ENTPD5: variants seen among roughly 807,000 people sequenced by gnomAD.
The protein encoded by ENTPD5 is ectonucleoside triphosphate diphosphohydrolase 5 (inactive), also known as nucleoside diphosphate phosphatase ENTPD5.
Under a neutral mutation model 60.2 loss-of-function variants are expected in ENTPD5, and 49 were observed. That is an observed-to-expected ratio of 0.81 (90% CI 0.65 to 1.03). ENTPD5 has a LOEUF of 1.03. Among genes scored for constraint, ENTPD5 ranks in the 50% least tolerant of loss-of-function variants. ENTPD5 has a pLI of 0.00. For synonymous variants in ENTPD5, 187 were observed against 185.4 expected (o/e 1.01, Z -0.07); for missense variants, 480 against 507.6 (o/e 0.95, Z 0.52).
At chr14:73,960,775 G>C (rs1225996975), downstream of ENTPD5, 2 of 403,740 alleles carry the variant, frequency 5.0e-6, no homozygotes, top group Non-Finnish European at 8.7e-6. Flanking sequence ...GACTGGAGGA[G>C]TTAAAAAGAG....
chr14:74,015,683 T>C (rs898645291), intron 2 of ENTPD5, 141 bp downstream of exon 2: 2 of 152,010 alleles, frequency 1.3e-5, no homozygotes, highest in Non-Finnish European at 2.9e-5. Context: ...TACATAATAG[T>C]TCTAAATTTT....
At chr14:74,006,436 G>T (rs11621948) in intron 3 of ENTPD5, among the ~76,000 whole-genome samples, 48,912 of 151,520 alleles carry the variant, frequency 0.32, 9,333 homozygotes, top group Non-Finnish European at 0.42. Flanking sequence ...GGTGCCCGCC[G>T]CCACGCCCGG....
Position 73,988,069 on chromosome 14 carries a change from G to A in ENTPD5, c.34C>T (p.Leu12=), listed in dbSNP as rs1246877243. The change falls in exon 4 of 16, where the codon CTG becomes TTG. Residue 12 remains leucine (L), a synonymous_variant. Coordinates refer to ENST00000334696, the MANE Select transcript of ENTPD5 (RefSeq NM_001249.5). ...GCGCTGCAAACACAGGATACCACCA[G>A]CATGAAAAAGACTGTGCCCCAAGAA... ...ATSWGTVFFM[L]VVSCVCSAVS... is the part of the protein sequence containing the mutation. 6.2e-7 allele frequency: 1 copy of A among 1,612,902 alleles called. No homozygotes were observed. Among genetic ancestry groups the A allele is most frequent in the African/African-American group, 1.3e-5 (1 of 74,926 alleles).
intron 4 of ENTPD5, among the ~76,000 whole-genome samples, chr14:73,987,517 T>C (rs898414257): frequency 3.3e-5 from 5 of 151,566 alleles, no homozygotes; most frequent in African/African-American, 9.7e-5. Flanking sequence ...ATAAAAAAAT[T>C]TAAAAATGAG....
intron 15 of ENTPD5, among the ~76,000 whole-genome samples, chr14:73,969,324 C>G (rs1233097282): frequency 1.3e-5 from 2 of 152,202 alleles, no homozygotes; most frequent in Non-Finnish European, 2.9e-5. Context: ...TTGCATCCTG[C>G]TTGCACCGTG....
downstream of ENTPD5, chr14:73,956,277 G>A (rs377369129): frequency 4.4e-5 from 13 of 295,986 alleles, no homozygotes; most frequent in South Asian, 9.9e-5. Context: ...GCAGTGAGCC[G>A]AGATCACGCC....
At chr14:73,988,405 G>C (rs1185930362) in intron 3 of ENTPD5, among the ~76,000 whole-genome samples, 1 of 152,114 alleles carries the variant, frequency 6.6e-6, no homozygotes, top group Non-Finnish European at 1.5e-5. Context: ...TAAAAATACA[G>C]AGTAATTGTA....
At chr14:74,010,554 CAAAA>C (rs57848975) in intron 3 of ENTPD5, among the ~76,000 whole-genome samples, 4 of 141,556 alleles carry the variant, frequency 2.8e-5, no homozygotes, top group Non-Finnish European at 6.2e-5. Context: ...AACTCTATCT[CAAAA>C]AAAAAAAATA....
At chr14:73,999,822 G>C (rs2058451700) in intron 3 of ENTPD5, among the ~76,000 whole-genome samples, 1 of 150,676 alleles carries the variant, frequency 6.6e-6, no homozygotes, top group Non-Finnish European at 1.5e-5. Flanking sequence ...GGGCGCAGTA[G>C]CTTACACCTG....
downstream of ENTPD5, chr14:73,959,363 T>C (rs778168995): frequency 5.0e-6 from 8 of 1,614,216 alleles, no homozygotes; most frequent in South Asian, 8.8e-5. Flanking sequence ...GCTTGAGAGT[T>C]TCCAAGTGCA....
At chr14:74,014,389 C>T (rs200182583) in intron 2 of ENTPD5, among the ~76,000 whole-genome samples, 1 of 148,768 alleles carries the variant, frequency 6.7e-6, no homozygotes, top group African/African-American at 2.5e-5. Flanking sequence ...CTCCCCCCCC[C>T]CACAAAAAAA....
At position 73,982,504 on chromosome 14, in the gene ENTPD5, T is replaced by C. The variant is rs146663020; in HGVS notation, c.441+514A>G. 9.0e-3 allele frequency among the ~76,000 whole-genome samples: 1,365 copies of C among 151,996 alleles called. 10 individuals carry two copies. Among genetic ancestry groups the C allele is most frequent in the Non-Finnish European group, 0.016 (1,066 of 67,958 alleles). ...AGGTGCAGCAGCTCATGCCTGTAAT[T>C]CCAGCACTTTGGGAGGCTGAGGCGG... On this transcript the variant is annotated intron_variant, in intron 6 of 15. Coordinates refer to ENST00000334696, the MANE Select transcript of ENTPD5 (RefSeq NM_001249.5).
chr14:73,972,942 TCTC>T lies in ENTPD5; in HGVS notation c.966_968del (p.Arg323del). The T allele has an allele frequency of 6.2e-7, 1 of 1,614,160 alleles. No homozygotes were observed. Among genetic ancestry groups the T allele is most frequent in the Middle Eastern group, 1.6e-4 (1 of 6,062 alleles). ...AGTAAGAGAAAGCATAGAAGGAACCTCTCTGGACCTCCTCTGGCTGGTGAAGTT... is the reference window on the plus strand; with the variant it reads ...AGTAAGAGAAAGCATAGAAGGAACCTTGGACCTCCTCTGGCTGGTGAAGTT... On this transcript the variant is annotated inframe_deletion, in exon 13 of 16. Transcript: ENST00000334696.
rs150266996 is a variant in ENTPD5, at chr14:74,017,657, G to A, written c.-238+1593C>T. Among the ~76,000 whole-genome samples, 734 of 151,412 alleles carry A rather than the reference G, an allele frequency of 4.8e-3. 4 individuals carry two copies. The highest frequency in any genetic ancestry group is 0.015 in the African/African-American group (619 of 41,232). ...TCTCAACACTTTGGGAGACCAAGGC[G>A]GGTGGATCACCTGAGGCCAGGAGTT... On this transcript the variant is annotated intron_variant, in intron 1 of 15. Transcript: ENST00000334696.
intron 3 of ENTPD5, 52 bp from the exon 4 acceptor site, chr14:73,988,224 C>T (rs2057985533): frequency 1.4e-6 from 2 of 1,440,768 alleles, no homozygotes; most frequent in South Asian, 1.5e-5. Context: ...TTAGTTACAC[C>T]TGTAAAAGAA....
In ENTPD5 at chr14:73,977,300, T is replaced by C. The variant is rs1292515908; in HGVS notation, c.516A>G (p.Glu172=). 1 of 1,610,670 alleles carries C rather than the reference T, an allele frequency of 6.2e-7. No individual in the cohort carries two copies. Among genetic ancestry groups the C allele is most frequent in the African/African-American group, 1.3e-5 (1 of 74,598 alleles). The change falls in exon 7 of 16, where the codon GAA becomes GAG. Residue 172 remains glutamate, a splice_region_variant and synonymous_variant. Transcript: ENST00000334696. ...GSVSIMDGSD[E]GILAWVTVNF... Reference sequence around the variant, plus strand: ...AACGCATATCAACACCTCTCCCACCTTCGTCGGATCCATCCATGATGCTAA... The same window carrying C: ...AACGCATATCAACACCTCTCCCACCCTCGTCGGATCCATCCATGATGCTAA...
rs1489775550 is a variant in ENTPD5 at position 73,998,498 on chromosome 14, TTC to T, written c.-70-10328_-70-10327del. Among the ~76,000 whole-genome samples, 81 of 152,160 alleles carry T rather than the reference TTC, an allele frequency of 5.3e-4. 1 individual carries two copies. Among genetic ancestry groups the T allele is most frequent in the Non-Finnish European group, 1.5e-5 (1 of 68,048 alleles). ...GACAGCCATTCCAGAAATTAGCAAT[TTC>T]TTACTGCTGCTTACAAGTACAGCAC... On this transcript the variant is annotated intron_variant, in intron 3 of 15. Coordinates refer to ENST00000334696, the MANE Select transcript of ENTPD5 (RefSeq NM_001249.5).
At chr14:73,959,148 CCT>C, downstream of ENTPD5, 2 of 1,614,186 alleles carry the variant, frequency 1.2e-6, no homozygotes, top group Non-Finnish European at 8.5e-7. Flanking sequence ...AAACTTTTCT[CCT>C]CTCTGTTGCA....
At chr14:73,977,406 T>C in intron 6 of ENTPD5, 32 bp from the exon 7 acceptor site, 4 of 1,213,110 alleles carry the variant, frequency 3.3e-6, no homozygotes, top group Non-Finnish European at 4.8e-6. Context: ...AAAAAAAGAA[T>C]TCCCTAAGGC....
Sources: allele counts gnomAD v4.1 joint callset (sites outside exome capture counted in the v4.1 genomes callset), GRCh38; gene constraint gnomAD v4.1.1; transcripts MANE v1.5; gene names NCBI Gene and HGNC (gene_info 2026-07-23, HGNC 2026-07-21).